SPHKAP: variants seen among roughly 807,000 people sequenced by gnomAD.
SPHKAP encodes A-kinase anchor protein SPHKAP.
SPHKAP carries 67 observed loss-of-function variants against 137.5 expected under a neutral mutation model. The observed-to-expected ratio is 0.49, with a 90% CI of 0.40 to 0.60. The LOEUF (loss-of-function observed/expected upper bound fraction) is 0.60, where lower values mean the gene tolerates loss of function less well. SPHKAP is among the 20% of genes least tolerant of loss of function. The pLI is 0.00. For missense variants in SPHKAP, 2,097 were observed against 2,069.3 expected, an observed-to-expected ratio of 1.01 and a Z score of -0.26; for synonymous variants, 813 against 785.3, an observed-to-expected ratio of 1.04 and a Z score of -0.59.
intron 2 of SPHKAP, among the ~76,000 whole-genome samples, chr2:228,115,650 A>G (rs1257428809): frequency 6.6e-6 from 1 of 152,176 alleles, no homozygotes; most frequent in East Asian, 1.9e-4. Flanking sequence ...ACCAGTCTCC[A>G]TATTTATGGA....
chr2:228,164,881 A>T (rs1700378927), intron 1 of SPHKAP, among the ~76,000 whole-genome samples: 1 of 152,144 alleles, frequency 6.6e-6, no homozygotes, highest in Non-Finnish European at 1.5e-5. Context: ...ATATGTTCTT[A>T]AAGACCATGT....
At position 228,123,938 on chromosome 2, in the gene SPHKAP, C is replaced by T. The variant is rs574719893; in HGVS notation, c.138+8042G>A. ...AGTGGGCAAAGGATATGAACAAACA[C>T]TTCTCAAAAGAAGATATTTATGCAG... On this transcript the variant is annotated intron_variant, in intron 2 of 11. Coordinates refer to ENST00000392056, the MANE Select transcript of SPHKAP (RefSeq NM_001142644.2). Among the ~76,000 whole-genome samples the T allele has an allele frequency of 4.6e-5, 7 of 152,306 alleles. 1 individual carries two copies. The highest frequency in any genetic ancestry group is 1.4e-4 in the African/African-American group (6 of 41,558).
At chr2:228,077,549 C>T (rs1697224882) in intron 3 of SPHKAP, among the ~76,000 whole-genome samples, 1 of 152,208 alleles carries the variant, frequency 6.6e-6, no homozygotes, top group Admixed American at 6.5e-5. Flanking sequence ...TTGCATGGGG[C>T]CTGTAGCCCC....
chr2:228,063,289 G>T (rs1388712894), intron 3 of SPHKAP, among the ~76,000 whole-genome samples: 1 of 151,378 alleles, frequency 6.6e-6, no homozygotes, highest in African/African-American at 2.4e-5. Context: ...TTTGTTTTTG[G>T]TGTTGATGTC....
rs1700071931 is a variant in SPHKAP, at chr2:228,155,166, T to G, written c.33-23081A>C. 2.0e-5 allele frequency among the ~76,000 whole-genome samples: 3 copies of G among 152,172 alleles called. No homozygotes were observed. In the South Asian group the frequency reaches 6.2e-4, roughly 32 times the overall value. ...CAATACCTGAGATGGGACCAGTACA[T>G]CTGTTTAATGGTTAACAATGATTAC... On this transcript the variant is annotated intron_variant, in intron 1 of 11. Transcript: ENST00000392056.
chr2:228,163,082 T>C (rs973592283), intron 1 of SPHKAP, among the ~76,000 whole-genome samples: 3 of 152,184 alleles, frequency 2.0e-5, no homozygotes, highest in Non-Finnish European at 4.4e-5. Flanking sequence ...AACAGAATTA[T>C]TAAGCACTGG....
intron 2 of SPHKAP, chr2:228,131,336 T>A (rs1273794652): frequency 3.1e-6 from 3 of 982,332 alleles, no homozygotes; most frequent in Non-Finnish European, 3.6e-6. Context: ...CAGCAAACAG[T>A]GACAAAAGCA....
chr2:228,144,656 A>G (rs1699715987), intron 1 of SPHKAP, among the ~76,000 whole-genome samples: 1 of 152,198 alleles, frequency 6.6e-6, no homozygotes, highest in African/African-American at 2.4e-5. Flanking sequence ...ATAAACAAAT[A>G]GGCATGTGAA....
intron 3 of SPHKAP, among the ~76,000 whole-genome samples, chr2:228,064,793 G>T (rs1341441539): frequency 6.6e-6 from 1 of 152,224 alleles, no homozygotes; most frequent in Non-Finnish European, 1.5e-5. Context: ...AACCAGGAAA[G>T]TGTGGCACTA....
intron 3 of SPHKAP, among the ~76,000 whole-genome samples, chr2:228,068,766 G>C (rs952881155): frequency 4.6e-5 from 7 of 152,162 alleles, no homozygotes; most frequent in Non-Finnish European, 7.3e-5. Context: ...TAGAGGTTTG[G>C]AATTATTTCT....
chr2:228,087,587 A>G (rs7575488), intron 3 of SPHKAP, among the ~76,000 whole-genome samples: 24,248 of 152,136 alleles, frequency 0.16, 2,159 homozygotes, highest in East Asian at 0.32. Flanking sequence ...GATAAAGAAT[A>G]TATAAATAAA....
At chr2:228,123,333 G>C (rs1486258837) in intron 2 of SPHKAP, among the ~76,000 whole-genome samples, 2 of 152,148 alleles carry the variant, frequency 1.3e-5, no homozygotes, top group Non-Finnish European at 2.9e-5. Flanking sequence ...CCATTCTCTG[G>C]TATCAGAAAT....
In SPHKAP at chr2:228,052,956, G is replaced by A. The variant is rs187211600; in HGVS notation, c.247-25413C>T. On this transcript the variant is annotated intron_variant, in intron 3 of 11. Transcript: ENST00000392056. ...CTTCTTACTATAGTCTGTATAGTAA[G>A]AGCTAATCTGTTCAGGCTGCCATAC... Among the ~76,000 whole-genome samples, 191 of 152,268 alleles carry A rather than the reference G, an allele frequency of 1.3e-3. 1 individual carries two copies. Among genetic ancestry groups the A allele is most frequent in the Middle Eastern group, 6.8e-3 (2 of 294 alleles).
Position 228,021,879 on chromosome 2 carries a change from T to A in SPHKAP, c.529A>T (p.Lys177Ter), listed in dbSNP as rs1559352955. ...ACCAGTTCCAGACCAATCAGAAATTTGTTGATTTCAAAGATGATGCAGTTG... is the reference window on the plus strand; with the variant it reads ...ACCAGTTCCAGACCAATCAGAAATTAGTTGATTTCAAAGATGATGCAGTTG... Reference protein sequence around the residue: ...STNCIIFEINKFLIGLELVQE... With the variant: ...STNCIIFEIN Residue 177 changes from lysine (K) to a stop codon, truncating the protein, a stop_gained, in exon 6 of 12, where the codon AAA (lysine) becomes TAA (stop). Coordinates refer to ENST00000392056, the MANE Select transcript of SPHKAP (RefSeq NM_001142644.2). LOFTEE classifies it high-confidence loss of function. 1.2e-6 allele frequency: 2 copies of A among 1,614,150 alleles called. No individual in the cohort carries two copies. Among genetic ancestry groups the A allele is most frequent in the Non-Finnish European group, 1.7e-6 (2 of 1,180,000 alleles).
chr2:228,013,497 G>A (rs542574967), intron 7 of SPHKAP, among the ~76,000 whole-genome samples: 33 of 152,134 alleles, frequency 2.2e-4, no homozygotes, highest in Admixed American at 1.6e-3. Flanking sequence ...CATCTGCCTC[G>A]GCCTCCCAAA....
At chr2:228,142,017 C>G (rs1248203146) in intron 1 of SPHKAP, among the ~76,000 whole-genome samples, 2 of 152,126 alleles carry the variant, frequency 1.3e-5, no homozygotes, top group Non-Finnish European at 1.5e-5. Flanking sequence ...GGCCCTGCTT[C>G]ACTTATCACA....
chr2:228,133,511 G>A (rs1235752472), intron 1 of SPHKAP, among the ~76,000 whole-genome samples: 1 of 151,816 alleles, frequency 6.6e-6, no homozygotes, highest in Non-Finnish European at 1.5e-5. Context: ...TAATAATTTG[G>A]ACTTTTAAAA....
At chr2:228,106,183 G>T (rs1254507485) in intron 3 of SPHKAP, among the ~76,000 whole-genome samples, 1 of 152,154 alleles carries the variant, frequency 6.6e-6, no homozygotes, top group Non-Finnish European at 1.5e-5. Context: ...GTCTGAGATT[G>T]TTCCTCAATA....
intron 3 of SPHKAP, among the ~76,000 whole-genome samples, chr2:228,092,642 A>T (rs1019354089): frequency 6.7e-6 from 1 of 148,220 alleles, no homozygotes; most frequent in East Asian, 2.0e-4. Flanking sequence ...TTATATGTGT[A>T]TATATGTATA....
Sources: gnomAD v4.1 joint callset for allele counts (sites outside exome capture counted in the v4.1 genomes callset) on GRCh38, gnomAD v4.1.1 for gene constraint, MANE v1.5 for transcripts, NCBI Gene and HGNC (gene_info 2026-07-23, HGNC 2026-07-21) for gene names.